LARS1: variants seen among roughly 807,000 people sequenced by gnomAD.
LARS1 encodes leucyl-tRNA synthetase 1, also known as leucine--tRNA ligase, cytoplasmic.
LARS1 carries 100 observed loss-of-function variants against 162.8 expected under a neutral mutation model. The observed-to-expected ratio is 0.61, with a 90% CI of 0.52 to 0.73. LARS1 has a LOEUF of 0.73. Ranked by LOEUF, LARS1 falls within the 30% of genes least tolerant of loss-of-function variation. LARS1 has a pLI of 0.00. For synonymous variants in LARS1, 457 were observed against 462.8 expected, an observed-to-expected ratio of 0.99 and a Z score of 0.16; for missense variants, 1,258 against 1,408.9, an observed-to-expected ratio of 0.89 and a Z score of 1.71.
intron 29 of LARS1, among the ~76,000 whole-genome samples, chr5:146,123,062 A>T (rs1204467959): frequency 6.6e-6 from 1 of 152,028 alleles, no homozygotes; most frequent in Non-Finnish European, 1.5e-5. Context: ...TTTGACCTAC[A>T]TGAATATATA....
At chr5:146,140,757 A>G (rs1752736216) in intron 20 of LARS1, among the ~76,000 whole-genome samples, 1 of 152,166 alleles carries the variant, frequency 6.6e-6, no homozygotes, top group South Asian at 2.1e-4. Context: ...GTAAGCCAAG[A>G]TCGCGCCACT....
rs374240118 is a variant in LARS1 at position 146,115,529 on chromosome 5, C to T, written c.3326-1218G>A. On this transcript the variant is annotated intron_variant, in intron 31 of 31. Transcript: ENST00000394434. ...AGGATGAGGTCTAATACCCACCCTG[C>T]TTGAGATTTTCCTAATCTGCTCTTA... Among the ~76,000 whole-genome samples, 4 of 124,150 alleles carry T rather than the reference C, an allele frequency of 3.2e-5. No homozygotes were observed. In the East Asian group the frequency reaches 1.1e-3, roughly 33 times the overall value. 81.4% of individuals were successfully genotyped at this position (124,150 alleles called of 152,430 possible).
intron 2 of LARS1, among the ~76,000 whole-genome samples, chr5:146,175,344 A>C (rs1196038770): frequency 2.0e-5 from 3 of 149,300 alleles, no homozygotes; most frequent in African/African-American, 7.4e-5. Context: ...TTGAGACCAG[A>C]CTGGCCAACA....
intron 1 of LARS1, among the ~76,000 whole-genome samples, chr5:146,181,860 T>TTTC (rs1754871807): frequency 9.1e-6 from 1 of 109,868 alleles, no homozygotes; most frequent in Non-Finnish European, 1.8e-5. Context: ...TTTTTTTTTT[T>TTTC]TTTTTTTTTT....
intron 21 of LARS1, among the ~76,000 whole-genome samples, chr5:146,139,872 C>CAAAAAAA: frequency 1.2e-5 from 1 of 83,366 alleles, no homozygotes; most frequent in Non-Finnish European, 2.1e-5. Flanking sequence ...GACTCCGTCT[C>CAAAAAAA]AAAAAAAAAA....
rs767558026 is a variant in LARS1, at chr5:146,177,676, C to G, written c.7-11G>C. The G allele has an allele frequency of 7.1e-7, 1 of 1,405,310 alleles. No individual in the cohort carries two copies. The highest frequency in any genetic ancestry group is 1.7e-5 in the Admixed American group (1 of 57,244). The allele number at this position is 1,405,310 out of a possible 1,614,324, so 87.1% of individuals were successfully genotyped here. A position where few individuals can be genotyped will look rare whatever the true frequency, so the allele number is the denominator to read the frequency against. ...TGTTCCTTTTCTTTCCTATTGGACA[C>G]AAAGAGAATAATCCACTCTGTATTT... On this transcript the variant is annotated splice_polypyrimidine_tract_variant and intron_variant, in intron 1 of 31. Coordinates refer to ENST00000394434, the MANE Select transcript of LARS1 (RefSeq NM_020117.11).
rs1226472740 is a variant in LARS1, at chr5:146,151,890, T to G, written c.1397A>C (p.Lys466Thr). Reference protein sequence around the residue: ...DREKLAEAKEKIYLKGFYEGI... With the variant: ...DREKLAEAKETIYLKGFYEGI... ...CTCATAAAATCCTTTTAGATATATC[T>G]TCTCCTTTGCTTCTGCAAGTTTTTC... Residue 466 changes from lysine (K) to threonine (T), a missense_variant, in exon 14 of 32, where the codon AAG (lysine) becomes ACG (threonine). Physicochemically the swap from Lys to Thr is moderately conservative, Grantham distance 78 (BLOSUM62 -1). Transcript: ENST00000394434. The G allele has an allele frequency of 6.2e-7, 1 of 1,613,998 alleles. No homozygotes were observed. Among genetic ancestry groups the G allele is most frequent in the African/African-American group, 1.3e-5 (1 of 75,048 alleles).
At chr5:146,136,908 C>T (rs13185805) in intron 21 of LARS1, among the ~76,000 whole-genome samples, 33,912 of 152,178 alleles carry the variant, frequency 0.22, 4,845 homozygotes, top group Admixed American at 0.34. Flanking sequence ...TCTCCTTTTT[C>T]CCTTTTTTTG....
At chr5:146,155,105 G>A (rs1753463038) in intron 10 of LARS1, among the ~76,000 whole-genome samples, 1 of 152,098 alleles carries the variant, frequency 6.6e-6, no homozygotes, top group African/African-American at 2.4e-5. Context: ...ACGCACCTCT[G>A]CCTCCCAAAG....
At position 146,120,504 on chromosome 5, in the gene LARS1, C is replaced by A; in HGVS notation, c.3193-1G>T. ...TCACCAGAGAAACGGACACACCAGG[C>A]TAGGAAAACAACAAGAAAATGATTG... On this transcript the variant is annotated splice_acceptor_variant, in intron 30 of 31. Coordinates refer to ENST00000394434, the MANE Select transcript of LARS1 (RefSeq NM_020117.11). LOFTEE classifies it high-confidence loss of function. 1 of 1,608,270 alleles carries A rather than the reference C, an allele frequency of 6.2e-7. No individual in the cohort carries two copies. Among genetic ancestry groups the A allele is most frequent in the Non-Finnish European group, 8.5e-7 (1 of 1,178,068 alleles).
At chr5:146,179,577 T>A in intron 1 of LARS1, 1 of 272,104 alleles carries the variant, frequency 3.7e-6, no homozygotes, top group South Asian at 2.8e-5. Flanking sequence ...ATGGGTAATA[T>A]GAAATTTCAC....
chr5:146,168,898 T>A (rs1754137905), intron 4 of LARS1, among the ~76,000 whole-genome samples: 1 of 151,840 alleles, frequency 6.6e-6, no homozygotes, highest in South Asian at 2.1e-4. Context: ...TTAATAACAT[T>A]GTTTCTCAAT....
intron 13 of LARS1, among the ~76,000 whole-genome samples, chr5:146,152,842 G>A (rs1052621529): frequency 1.3e-5 from 2 of 152,110 alleles, no homozygotes; most frequent in African/African-American, 4.8e-5. Context: ...AAGTTATTAT[G>A]GTTACATATA....
At chr5:146,142,575 T>G (rs1752831428) in intron 20 of LARS1, among the ~76,000 whole-genome samples, 1 of 152,288 alleles carries the variant, frequency 6.6e-6, no homozygotes, top group South Asian at 2.1e-4. Context: ...GAGAAGGTTC[T>G]TTCCAATTCT....
At chr5:146,126,598 G>A in intron 27 of LARS1, 53 bp from the exon 28 acceptor site, 1 of 1,223,576 alleles carries the variant, frequency 8.2e-7, no homozygotes, top group East Asian at 2.3e-5. Flanking sequence ...TCAAGAATAA[G>A]GCAGAACAGT....
chr5:146,172,732 A>G lies in LARS1; in HGVS notation c.168T>C (p.Asn56=), dbSNP rs776449839. 2 of 1,585,186 alleles carry G rather than the reference A, an allele frequency of 1.3e-6. No homozygotes were observed. Among genetic ancestry groups the G allele is most frequent in the East Asian group, 2.3e-5 (1 of 42,998 alleles). Residue 56 remains asparagine (N), a synonymous_variant, in exon 3 of 32, where the codon AAT becomes AAC. Coordinates refer to ENST00000394434, the MANE Select transcript of LARS1 (RefSeq NM_020117.11). ...YFVTFPYPYM[N]GRLHLGHTFS... is the part of the protein sequence containing the mutation. ...ACGTGTGTCCCAAATGAAGGCGTCC[A>G]TTCATATATGGATATGGGAAGGTTA...
chr5:146,113,543 GC>G lies in LARS1; in HGVS notation c.*562del. ...ATTGGTTCTTAGTTGAATAATTAAA[GC>G]TTTAAAAAGTCTTATAAAATGCAGG... On this transcript the variant is annotated 3_prime_UTR_variant, in exon 32 of 32. Transcript: ENST00000394434. 6.6e-6 allele frequency: 1 copy of G among 152,224 alleles called. No homozygotes were observed. Among genetic ancestry groups the G allele is most frequent in the South Asian group, 2.1e-4 (1 of 4,822 alleles). The allele number at this position is 152,224 out of a possible 1,614,324, so 9.4% of individuals were successfully genotyped here.
Position 146,128,576 on chromosome 5 carries a change from C to A in LARS1, c.2880+96G>T, listed in dbSNP as rs147016592. On this transcript the variant is annotated intron_variant, in intron 27 of 31. Transcript: ENST00000394434. ...GAGGGAATGAAACAAAGCTGCCTAT[C>A]TTTCTTCTCCCAGACATTGCCAACA... 1.5e-4 allele frequency: 109 copies of A among 704,762 alleles called. No homozygotes were observed. The East Asian group carries it at 3.3e-3, about 21-fold the overall frequency. The allele number at this position is 704,762 out of a possible 1,614,324, so 43.7% of individuals were successfully genotyped here.
At chr5:146,152,868 G>A (rs543840091) in intron 13 of LARS1, among the ~76,000 whole-genome samples, 1 of 152,222 alleles carries the variant, frequency 6.6e-6, no homozygotes, top group African/African-American at 2.4e-5. Flanking sequence ...TCATGAAAAG[G>A]GCAAAATTTT....
Sources: allele counts gnomAD v4.1 joint callset (sites outside exome capture counted in the v4.1 genomes callset), GRCh38; gene constraint gnomAD v4.1.1; transcripts MANE v1.5; gene names NCBI Gene and HGNC (gene_info 2026-07-23, HGNC 2026-07-21).